PHLDB3: variants seen among roughly 807,000 people sequenced by gnomAD.
PHLDB3 encodes pleckstrin homology-like domain family B member 3.
A neutral mutation model predicts 85.7 loss-of-function variants in PHLDB3; 86 were observed. The observed-to-expected ratio is 1.00, with a 90% CI of 0.84 to 1.20. The LOEUF (loss-of-function observed/expected upper bound fraction) is 1.20. PHLDB3 is among the 50% of genes most tolerant of loss of function. PHLDB3 has a pLI of 0.00. For synonymous variants in PHLDB3, 376 were observed against 349.8 expected (o/e 1.07, Z -0.83); for missense variants, 995 against 873.0 (o/e 1.14, Z -1.76).
At chr19:43,503,633 C>T (rs1457440111) in intron 2 of PHLDB3, among the ~76,000 whole-genome samples, 1 of 152,114 alleles carries the variant, frequency 6.6e-6, no homozygotes, top group African/African-American at 2.4e-5. Context: ...CTGTCTCTGT[C>T]GCCCGTTTGG....
rs1568470678 is a variant in PHLDB3, at chr19:43,475,475, G to A, written c.1858C>T (p.Pro620Ser). Residue 620 changes from proline (P) to serine (S), a missense_variant, in exon 16 of 16, where the codon CCC becomes TCC. Coordinates refer to ENST00000292140, the MANE Select transcript of PHLDB3 (RefSeq NM_198850.4). ...TCCATCCAAATGCGCATGGCTTCGG[G>A]GCTCGGAGCCACCATGTAGAAAAGG... ...ERLFYMVAPS[P>S]EAMRIWMDVI... 6.2e-7 allele frequency: 1 copy of A among 1,613,852 alleles called. No individual in the cohort carries two copies. The highest frequency in any genetic ancestry group is 8.5e-7 in the Non-Finnish European group (1 of 1,179,896).
At chr19:43,494,879 A>G in intron 8 of PHLDB3, 64 bp from the exon 9 acceptor site, 1 of 1,263,972 alleles carries the variant, frequency 7.9e-7, no homozygotes. Flanking sequence ...GCCAGTTTCC[A>G]CGTGCTCTGG....
intron 14 of PHLDB3, among the ~76,000 whole-genome samples, 173 bp downstream of exon 14, chr19:43,479,204 G>C (rs1352427777): frequency 6.6e-6 from 1 of 152,150 alleles, no homozygotes; most frequent in African/African-American, 2.4e-5. Context: ...AGGAGAGAGA[G>C]AGCTGGGAGC....
chr19:43,475,502 G>A lies in PHLDB3; in HGVS notation c.1831C>T (p.Arg611Cys), dbSNP rs751834049. ...CTCGGAGCCACCATGTAGAAAAGGC[G>A]TTCGTAGGTTTTGACGCAGAAGGTC... The part of the protein sequence containing the change: ...RLTFCVKTYE[R>C]LFYMVAPSPE... The change falls in exon 16 of 16, where the codon CGC becomes TGC. Residue 611 changes from arginine (R) to cysteine (C), a missense_variant. Arg to Cys is a radical substitution (Grantham distance 180). Coordinates refer to ENST00000292140, the MANE Select transcript of PHLDB3 (RefSeq NM_198850.4). 23 of 1,613,890 alleles carry A rather than the reference G, an allele frequency of 1.4e-5. No individual in the cohort carries two copies. The highest frequency in any genetic ancestry group is 1.9e-5 in the Non-Finnish European group (22 of 1,179,902).
rs558828701 is a variant in PHLDB3 at position 43,475,308 on chromosome 19, G to T, written c.*102C>A. ...GGAATTCCCGGGAGAGTTCCAAAGCGGTGCGTCCAAGTTTTCCGGCAGTGG... is the reference window on the plus strand; with the variant it reads ...GGAATTCCCGGGAGAGTTCCAAAGCTGTGCGTCCAAGTTTTCCGGCAGTGG... On this transcript the variant is annotated 3_prime_UTR_variant, in exon 16 of 16. Coordinates refer to ENST00000292140, the MANE Select transcript of PHLDB3 (RefSeq NM_198850.4). 4.8e-6 allele frequency: 7 copies of T among 1,453,756 alleles called. No individual in the cohort carries two copies. Among genetic ancestry groups the T allele is most frequent in the Non-Finnish European group, 6.5e-6 (7 of 1,075,412 alleles). 90.1% of individuals were successfully genotyped at this position (1,453,756 alleles called of 1,614,324 possible). A position where few individuals can be genotyped will look rare whatever the true frequency, so the allele number is the denominator to read the frequency against.
Position 43,487,079 on chromosome 19 carries a change from C to G in PHLDB3, c.1194G>C (p.Arg398Ser), listed in dbSNP as rs749748998. The part of the protein sequence containing the change: ...LQRTGSLPRK[R>S]GERGSQRGSP... The stretch of plus-strand genomic sequence containing the variant: ...ATCCTCTCTGGCTCCCCCTCTCCCC[C>G]CTTTTCCGGGGCAGGCTCCCAGTCC... Residue 398 changes from arginine (R) to serine (S), a missense_variant, in exon 10 of 16, where the codon AGG (arginine) becomes AGC (serine). Arg to Ser is a moderately radical substitution (Grantham distance 110). Coordinates refer to ENST00000292140, the MANE Select transcript of PHLDB3 (RefSeq NM_198850.4). 77 of 1,578,324 alleles carry G rather than the reference C, an allele frequency of 4.9e-5. No homozygotes were observed. The East Asian group carries it at 1.2e-3, about 26-fold the overall frequency.
At chr19:43,493,782 T>C (rs1971377858) in intron 9 of PHLDB3, among the ~76,000 whole-genome samples, 2 of 151,180 alleles carry the variant, frequency 1.3e-5, no homozygotes, top group Admixed American at 6.6e-5. Context: ...AATATATCAT[T>C]TTTAAAAAGA....
At chr19:43,475,684 C>T in intron 15 of PHLDB3, 140 bp from the exon 16 acceptor site, 1 of 1,022,458 alleles carries the variant, frequency 9.8e-7, no homozygotes, top group Admixed American at 2.8e-5. Context: ...CCCTGTCTTC[C>T]CAAATGATGC....
chr19:43,493,280 GAATAAATA>G (rs57954351), intron 9 of PHLDB3, among the ~76,000 whole-genome samples: 145 of 133,806 alleles, frequency 1.1e-3, no homozygotes, highest in Admixed American at 3.9e-3. Context: ...CTCTGTCTCA[GAATAAATA>G]AATAAATAAA....
At chr19:43,501,390 G>T (rs1302081204) in intron 4 of PHLDB3, 5 of 291,650 alleles carry the variant, frequency 1.7e-5, no homozygotes, top group Non-Finnish European at 3.2e-5. Context: ...TCGCCATGTT[G>T]CCCAGGCTGG....
intron 9 of PHLDB3, among the ~76,000 whole-genome samples, chr19:43,490,076 A>C (rs1213667666): frequency 7.5e-6 from 1 of 133,530 alleles, no homozygotes; most frequent in African/African-American, 2.7e-5. Context: ...GGAAGGAGGA[A>C]GGGAGGGAGG....
intron 12 of PHLDB3, 115 bp downstream of exon 12, chr19:43,486,494 G>C: frequency 7.4e-7 from 1 of 1,356,890 alleles, no homozygotes; most frequent in Non-Finnish European, 1.0e-6. Context: ...AGGGTGGAGG[G>C]GCTGGGGGCC....
chr19:43,494,628 G>A lies in PHLDB3; in HGVS notation c.1149+74C>T, dbSNP rs560105735. 738 of 1,227,478 alleles carry A rather than the reference G, an allele frequency of 6.0e-4. 2 individuals carry two copies. Among genetic ancestry groups the A allele is most frequent in the South Asian group, 1.4e-3 (96 of 70,766 alleles). 76.0% of individuals were successfully genotyped at this position (1,227,478 alleles called of 1,614,324 possible). A position where few individuals can be genotyped will look rare whatever the true frequency, so the allele number is the denominator to read the frequency against. On this transcript the variant is annotated intron_variant, in intron 9 of 15. Transcript: ENST00000292140. ...GAAGTTCTGGAGACCCCAGTTCGGG[G>A]ACTCTGCTGTTAGCCCCTCCCTCCT...
At chr19:43,504,250 A>ACTCTT in intron 1 of PHLDB3, 118 bp from the exon 2 acceptor site, 1 of 949,378 alleles carries the variant, frequency 1.1e-6, no homozygotes, top group Non-Finnish European at 1.5e-6. Context: ...TAAGAGTTCA[A>ACTCTT]AGGATGGAAC....
rs1208397941 is a variant in PHLDB3 at position 43,503,888 on chromosome 19, C to T, written c.213+18G>A. 6.2e-7 allele frequency: 1 copy of T among 1,613,370 alleles called. No individual in the cohort carries two copies. Among genetic ancestry groups the T allele is most frequent in the Non-Finnish European group, 8.5e-7 (1 of 1,179,666 alleles). ...CGTCGGTCCAAGCCCCCCGCGCTGT[C>T]GCCCTCGGGCCCCTCACCGCGTCGC... On this transcript the variant is annotated intron_variant, in intron 2 of 15. Transcript: ENST00000292140.
intron 8 of PHLDB3, 82 bp downstream of exon 8, chr19:43,495,174 T>A (rs1257737593): frequency 1.0e-6 from 1 of 981,880 alleles, no homozygotes. Context: ...CCTGGACTCC[T>A]GCGTCTGAGG....
intron 14 of PHLDB3, among the ~76,000 whole-genome samples, chr19:43,478,711 C>T (rs986134553): frequency 5.3e-5 from 8 of 151,958 alleles, no homozygotes; most frequent in African/African-American, 1.9e-4. Context: ...GTCAGGAGAT[C>T]GAGACCATCC....
chr19:43,496,924 C>T, intron 6 of PHLDB3, 194 bp downstream of exon 6: 1 of 828,102 alleles, frequency 1.2e-6, no homozygotes, highest in Non-Finnish European at 1.6e-6. Flanking sequence ...TGTAAGGATT[C>T]AGTGAGGAAA....
chr19:43,489,262 G>A (rs1971256855), intron 9 of PHLDB3, among the ~76,000 whole-genome samples: 1 of 152,142 alleles, frequency 6.6e-6, no homozygotes, highest in South Asian at 2.1e-4. Flanking sequence ...AGCTACTCAG[G>A]AGGCTGAGGT....
Sources: allele counts gnomAD v4.1 joint callset (sites outside exome capture counted in the v4.1 genomes callset), GRCh38; gene constraint gnomAD v4.1.1; transcripts MANE v1.5; gene names NCBI Gene and HGNC (gene_info 2026-07-23, HGNC 2026-07-21).